AP1B1: variants seen among roughly 807,000 people sequenced by gnomAD.
The protein encoded by AP1B1 is AP-1 complex subunit beta-1.
A neutral mutation model predicts 104.3 loss-of-function variants in AP1B1; 36 were observed. The ratio of observed to expected loss-of-function variants is 0.35; its 90% CI spans 0.26 to 0.46. The LOEUF (loss-of-function observed/expected upper bound fraction) is 0.46. Ranked by LOEUF, AP1B1 falls within the 20% of genes least tolerant of loss-of-function variation. AP1B1 has a pLI of 1.00. For missense variants in AP1B1, 901 were observed against 1,247.9 expected, an observed-to-expected ratio of 0.72 and a Z score of 4.19; for synonymous variants, 504 against 517.5, an observed-to-expected ratio of 0.97 and a Z score of 0.35.
chr22:29,351,381 C>A, intron 8 of AP1B1, 115 bp from the exon 9 acceptor site: 2 of 1,238,428 alleles, frequency 1.6e-6, no homozygotes, highest in Non-Finnish European at 2.4e-6. Context: ...CTGCCTCCTG[C>A]TCCAGGTAGA....
chr22:29,372,295 G>C (rs957041980), intron 1 of AP1B1, among the ~76,000 whole-genome samples: 4 of 151,792 alleles, frequency 2.6e-5, no homozygotes, highest in African/African-American at 9.7e-5. Context: ...ATGCTGGCGG[G>C]TGCCTGTAGT....
intron 22 of AP1B1, 94 bp downstream of exon 22, chr22:29,329,618 T>A: frequency 6.3e-7 from 1 of 1,581,280 alleles, no homozygotes; most frequent in South Asian, 1.2e-5. Context: ...GGCCAAGAGA[T>A]GAGGTGCAGA....
At chr22:29,351,149 G>A in intron 9 of AP1B1, 22 bp downstream of exon 9, 2 of 1,596,934 alleles carry the variant, frequency 1.3e-6, no homozygotes, top group Non-Finnish European at 1.7e-6. Context: ...CTCCAGCCAA[G>A]GACAGAGTCC....
chr22:29,373,760 G>T (rs918565922), intron 1 of AP1B1, among the ~76,000 whole-genome samples: 1 of 151,954 alleles, frequency 6.6e-6, no homozygotes, highest in Non-Finnish European at 1.5e-5. Context: ...AAATTAGCTG[G>T]GCCTGGTAGT....
chr22:29,341,491 T>C lies in AP1B1; in HGVS notation c.1796+10A>G. 6.2e-7 allele frequency: 1 copy of C among 1,609,282 alleles called. No individual in the cohort carries two copies. The highest frequency in any genetic ancestry group is 2.2e-5 in the East Asian group (1 of 44,734). On this transcript the variant is annotated intron_variant, in intron 13 of 22. Transcript: ENST00000357586. ...GTGAAGGCGCAGGCCGACTGGCCAGTCTCACTCACGAGGCCGTGCGAGGTG... is the reference window on the plus strand; with the variant it reads ...GTGAAGGCGCAGGCCGACTGGCCAGCCTCACTCACGAGGCCGTGCGAGGTG...
intron 1 of AP1B1, among the ~76,000 whole-genome samples, chr22:29,383,216 C>T (rs1366184142): frequency 2.0e-5 from 3 of 152,140 alleles, no homozygotes; most frequent in South Asian, 2.1e-4. Context: ...ACCCAATACT[C>T]GGAGATCGGG....
At chr22:29,373,831 G>A (rs1297546250) in intron 1 of AP1B1, among the ~76,000 whole-genome samples, 1 of 151,796 alleles carries the variant, frequency 6.6e-6, no homozygotes, top group African/African-American at 2.4e-5. Flanking sequence ...GAACCTAGGA[G>A]GCAGAGGTTG....
chr22:29,381,696 G>A (rs1349780468), intron 1 of AP1B1, among the ~76,000 whole-genome samples: 10 of 152,312 alleles, frequency 6.6e-5, no homozygotes, highest in Middle Eastern at 3.4e-3. Flanking sequence ...AGAAGATCAG[G>A]TGGCAACATC....
rs763647210 is a variant in AP1B1 at position 29,351,210 on chromosome 22, C to T, written c.1116G>A (p.Lys372=). 1 of 1,614,144 alleles carries T rather than the reference C, an allele frequency of 6.2e-7. No homozygotes were observed. The highest frequency in any genetic ancestry group is 8.5e-7 in the Non-Finnish European group (1 of 1,179,982). Residue 372 remains lysine, a synonymous_variant, in exon 9 of 23, where the codon AAG becomes AAA. Transcript: ENST00000357586. ...CGCAGCGGCCAATAGCACGCACAGC[C>T]TTCCGTACAAAGTCCACATCCACTT... The part of the protein sequence containing the change: ...ATEVDVDFVR[K]AVRAIGRCAI...
Position 29,341,713 on chromosome 22 carries a change from G to A in AP1B1, c.1584C>T (p.Arg528=), listed in dbSNP as rs779977496. 3.1e-6 allele frequency: 5 copies of A among 1,613,784 alleles called. No homozygotes were observed. In the Admixed American group the frequency reaches 6.7e-5, roughly 22 times the overall value. Residue 528 remains arginine, a synonymous_variant, in exon 13 of 23, where the codon CGC becomes CGT. Transcript: ENST00000357586. The part of the protein sequence containing the change: ...DLRDRGYIYW[R]LLSTDPVAAK... Reference sequence around the variant, plus strand: ...CTGCCACCGGGTCCGTGGACAGCAGGCGCCAGTAGATGTAGCCACGGTCCC... The same window carrying A: ...CTGCCACCGGGTCCGTGGACAGCAGACGCCAGTAGATGTAGCCACGGTCCC...
chr22:29,331,079 C>A (rs769944691), intron 19 of AP1B1, among the ~76,000 whole-genome samples: 1 of 152,198 alleles, frequency 6.6e-6, no homozygotes, highest in Non-Finnish European at 1.5e-5. Flanking sequence ...AGGGTGCAGG[C>A]CGTCTGTGTG....
intron 6 of AP1B1, among the ~76,000 whole-genome samples, chr22:29,355,355 G>A (rs1279402428): frequency 2.0e-5 from 3 of 152,152 alleles, no homozygotes; most frequent in African/African-American, 7.2e-5. Context: ...AGCTACTTGG[G>A]AGGCTGACGC....
chr22:29,388,197 G>T (rs1257635704), intron 1 of AP1B1, among the ~76,000 whole-genome samples: 1 of 152,224 alleles, frequency 6.6e-6, no homozygotes, highest in African/African-American at 2.4e-5. Context: ...GAAGCCCCAG[G>T]AGGTGCTGCG....
chr22:29,329,965 G>A, intron 21 of AP1B1: 1 of 1,417,436 alleles, frequency 7.1e-7, no homozygotes, highest in Non-Finnish European at 9.2e-7. Flanking sequence ...GTGTGCCCCA[G>A]GGAAGCCATT....
chr22:29,358,751 T>A lies in AP1B1; in HGVS notation c.500A>T (p.Asp167Val). Residue 167 changes from aspartate (D) to valine (V), a missense_variant, in exon 5 of 23, where the codon GAC becomes GTC. By Grantham distance (152) the Asp-to-Val change is radical (BLOSUM62 -3). Transcript: ENST00000357586. ...CATGGGGTTAGAGTCGGAGATGAGG[T>A]CTTTAAGGGTGTCCAGGAAGCCCTG... ...EDQGFLDTLK[D>V]LISDSNPMVV... is the part of the protein sequence containing the mutation. The A allele has an allele frequency of 6.2e-7, 1 of 1,613,462 alleles. No individual in the cohort carries two copies. Among genetic ancestry groups the A allele is most frequent in the Non-Finnish European group, 8.5e-7 (1 of 1,179,566 alleles).
chr22:29,385,370 G>A (rs2062505952), intron 1 of AP1B1, among the ~76,000 whole-genome samples: 1 of 152,172 alleles, frequency 6.6e-6, no homozygotes, highest in African/African-American at 2.4e-5. Flanking sequence ...TGGGTAACAA[G>A]CCAAGATCCT....
At chr22:29,344,739 A>G (rs174767) in intron 11 of AP1B1, among the ~76,000 whole-genome samples, 104,952 of 151,558 alleles carry the variant, frequency 0.69, 37,941 homozygotes, top group African/African-American at 0.92. Context: ...GGCTGGTCTC[A>G]GACTCCTGAC....
At chr22:29,332,267 C>A in intron 17 of AP1B1, 1 of 206,904 alleles carries the variant, frequency 4.8e-6, no homozygotes, top group Non-Finnish European at 9.7e-6. Context: ...TGCCAGGGGC[C>A]TGGAGTATAA....
chr22:29,351,284 A>G lies in AP1B1; in HGVS notation c.1060-18T>C, dbSNP rs771090666. 6.2e-6 allele frequency: 10 copies of G among 1,613,672 alleles called. No homozygotes were observed. The East Asian group carries it at 2.2e-4, about 36-fold the overall frequency. ...GCCAACACCTGTGGCCCAAACAGAA[A>G]AGATGGGGCTGGGGCACCTGATGGG... On this transcript the variant is annotated intron_variant, in intron 8 of 22. Coordinates refer to ENST00000357586, the MANE Select transcript of AP1B1 (RefSeq NM_001127.4).
Sources: gnomAD v4.1 joint callset for allele counts (sites outside exome capture counted in the v4.1 genomes callset) on GRCh38, gnomAD v4.1.1 for gene constraint, MANE v1.5 for transcripts, NCBI Gene and HGNC (gene_info 2026-07-23, HGNC 2026-07-21) for gene names.